The following ABHD17B variants were observed in gnomAD, a reference collection of about 807,000 sequenced individuals.
ABHD17B encodes the protein alpha/beta hydrolase domain-containing protein 17B.
A neutral mutation model predicts 26.2 loss-of-function variants in ABHD17B; 9 were observed. The ratio of observed to expected loss-of-function variants is 0.34; its 90% CI spans 0.21 to 0.60. The LOEUF is 0.60. ABHD17B is among the 20% of genes least tolerant of loss of function. ABHD17B has a pLI of 0.80. For missense variants in ABHD17B, 224 were observed against 352.1 expected, an observed-to-expected ratio of 0.64 and a Z score of 2.91; for synonymous variants, 127 against 122.3, an observed-to-expected ratio of 1.04 and a Z score of -0.25.
chr9:71,869,600 T>G (rs1362164204), intron 3 of ABHD17B, among the ~76,000 whole-genome samples: 1 of 152,176 alleles, frequency 6.6e-6, no homozygotes, highest in Non-Finnish European at 1.5e-5. Context: ...AAGATTCAAC[T>G]TTTTTTCAAT....
intron 1 of ABHD17B, among the ~76,000 whole-genome samples, chr9:71,900,845 C>T (rs1308553825): frequency 6.6e-6 from 1 of 151,862 alleles, no homozygotes; most frequent in Admixed American, 6.6e-5. Flanking sequence ...AGTTCATGCA[C>T]TTGCCTAAAA....
Position 71,866,236 on chromosome 9 carries a change from C to T in ABHD17B, c.*551G>A. 2 of 981,462 alleles carry T rather than the reference C, an allele frequency of 2.0e-6. No homozygotes were observed. Among genetic ancestry groups the T allele is most frequent in the Non-Finnish European group, 2.4e-6 (2 of 825,948 alleles). The allele number at this position is 981,462 out of a possible 1,614,324, so 60.8% of individuals were successfully genotyped here. A position where few individuals can be genotyped will look rare whatever the true frequency, so the allele number is the denominator to read the frequency against. ...GATAAATGTATGTAATCAGAGTATA[C>T]AGAAAATTCAATGTATTTTACAATA... is the stretch of plus-strand genomic sequence containing the variant. On this transcript the variant is annotated 3_prime_UTR_variant, in exon 4 of 4. Coordinates refer to ENST00000333421, the MANE Select transcript of ABHD17B (RefSeq NM_001025780.3).
At chr9:71,904,486 TTC>T (rs1051008273) in intron 1 of ABHD17B, among the ~76,000 whole-genome samples, 47 of 152,304 alleles carry the variant, frequency 3.1e-4, no homozygotes, top group African/African-American at 1.0e-3. Context: ...TGAAATTCTA[TTC>T]TGTTAAAAAA....
At chr9:71,889,443 A>G (rs1826714176) in intron 1 of ABHD17B, among the ~76,000 whole-genome samples, 1 of 152,244 alleles carries the variant, frequency 6.6e-6, no homozygotes, top group African/African-American at 2.4e-5. Flanking sequence ...TCTCCAACTC[A>G]TAAGAGTAGA....
At chr9:71,893,952 T>C (rs1352027130) in intron 1 of ABHD17B, among the ~76,000 whole-genome samples, 1 of 152,016 alleles carries the variant, frequency 6.6e-6, no homozygotes, top group South Asian at 2.1e-4. Flanking sequence ...TAGCTGGGTG[T>C]GGTGGCGGGC....
At chr9:71,910,236 A>G (rs1415025909) in intron 1 of ABHD17B, among the ~76,000 whole-genome samples, 1 of 152,124 alleles carries the variant, frequency 6.6e-6, no homozygotes, top group Non-Finnish European at 1.5e-5. Flanking sequence ...GGGGAATGGG[A>G]ACCTGACCCC....
chr9:71,877,423 G>A (rs1267585769), intron 1 of ABHD17B, among the ~76,000 whole-genome samples: 1 of 152,172 alleles, frequency 6.6e-6, no homozygotes, highest in African/African-American at 2.4e-5. Context: ...AAACACTTTT[G>A]TTGTTGTTTT....
At chr9:71,875,224 T>C in intron 1 of ABHD17B, 141 bp from the exon 2 acceptor site, 1 of 649,498 alleles carries the variant, frequency 1.5e-6, no homozygotes, top group Non-Finnish European at 2.4e-6. Context: ...AACAGATTTT[T>C]GGCTTCTTTT....
chr9:71,870,001 T>G, intron 3 of ABHD17B, 82 bp downstream of exon 3: 1 of 1,252,986 alleles, frequency 8.0e-7, no homozygotes, highest in East Asian at 2.3e-5. Flanking sequence ...TATGGTTGAG[T>G]GAACTGTGTC....
intron 1 of ABHD17B, among the ~76,000 whole-genome samples, chr9:71,905,128 T>G (rs1187456876): frequency 6.6e-6 from 1 of 152,020 alleles, no homozygotes; most frequent in Non-Finnish European, 1.5e-5. Context: ...AGAAGTTTTT[T>G]GTTTTTTTTT....
At chr9:71,871,247 A>G (rs141611250) in intron 2 of ABHD17B, among the ~76,000 whole-genome samples, 42 of 152,350 alleles carry the variant, frequency 2.8e-4, no homozygotes, top group African/African-American at 8.7e-4. Context: ...ATTCACCAGG[A>G]AAGAGCGAGG....
At chr9:71,898,652 A>C (rs1219459950) in intron 1 of ABHD17B, among the ~76,000 whole-genome samples, 1 of 152,002 alleles carries the variant, frequency 6.6e-6, no homozygotes, top group Non-Finnish European at 1.5e-5. Flanking sequence ...ACAAACAAAC[A>C]AACAAACAAC....
chr9:71,904,438 G>A (rs960078789), intron 1 of ABHD17B, among the ~76,000 whole-genome samples: 3 of 152,104 alleles, frequency 2.0e-5, no homozygotes, highest in East Asian at 1.9e-4. Flanking sequence ...CCCTATAGCT[G>A]AGAAAAATTT....
chr9:71,898,647 C>A (rs1827035626), intron 1 of ABHD17B, among the ~76,000 whole-genome samples: 1 of 151,434 alleles, frequency 6.6e-6, no homozygotes, highest in Admixed American at 6.6e-5. Context: ...TTCAAACAAA[C>A]AAACAAACAA....
intron 1 of ABHD17B, among the ~76,000 whole-genome samples, chr9:71,881,260 A>C (rs1328422275): frequency 6.6e-6 from 1 of 152,198 alleles, no homozygotes; most frequent in Non-Finnish European, 1.5e-5. Flanking sequence ...TTTTCAACAA[A>C]TGGTGCTAGG....
intron 1 of ABHD17B, among the ~76,000 whole-genome samples, chr9:71,888,411 A>G (rs990029223): frequency 4.6e-5 from 7 of 152,224 alleles, no homozygotes; most frequent in African/African-American, 1.2e-4. Flanking sequence ...AAGCTGTCAT[A>G]TTACATTGTT....
At chr9:71,885,596 A>C (rs1826584729) in intron 1 of ABHD17B, among the ~76,000 whole-genome samples, 1 of 152,178 alleles carries the variant, frequency 6.6e-6, no homozygotes, top group African/African-American at 2.4e-5. Context: ...TGTATGAAAT[A>C]ATAATTTAAG....
intron 1 of ABHD17B, chr9:71,902,454 T>C (rs1156952107): frequency 6.6e-6 from 1 of 150,864 alleles, no homozygotes; most frequent in East Asian, 1.9e-4. Flanking sequence ...TTTTTATTTT[T>C]TTCAGGCTAG....
At chr9:71,887,780 G>C (rs1826657258) in intron 1 of ABHD17B, among the ~76,000 whole-genome samples, 1 of 152,142 alleles carries the variant, frequency 6.6e-6, no homozygotes, top group Non-Finnish European at 1.5e-5. Context: ...AAATCTCATA[G>C]ATCTTTCTGT....
Sources: allele counts gnomAD v4.1 joint callset (sites outside exome capture counted in the v4.1 genomes callset), GRCh38; gene constraint gnomAD v4.1.1; transcripts MANE v1.5; gene names NCBI Gene and HGNC (gene_info 2026-07-23, HGNC 2026-07-21).